The following HDAC4 variants were observed in gnomAD, a reference collection of about 807,000 sequenced individuals.
HDAC4 encodes histone deacetylase A.
In HDAC4, 16 loss-of-function variants were observed where a neutral mutation model predicts 135.1. The observed-to-expected ratio is 0.12, with a 90% confidence interval of 0.08 to 0.18. The LOEUF (loss-of-function observed/expected upper bound fraction) is 0.18, where lower values mean the gene tolerates loss of function less well. Among genes scored for constraint, HDAC4 ranks in the 10% least tolerant of loss-of-function variants. The pLI, the probability that HDAC4 is intolerant of heterozygous loss-of-function variation, is 1.00. For missense variants in HDAC4, 1,143 were observed against 1,511.8 expected (o/e 0.76, Z 4.05); for synonymous variants, 685 against 653.4 (o/e 1.05, Z -0.74).
intron 5 of HDAC4, among the ~76,000 whole-genome samples, chr2:239,165,079 C>T (rs1007711138): frequency 6.6e-6 from 1 of 152,022 alleles, no homozygotes; most frequent in African/African-American, 2.4e-5. Context: ...AAAAATTAGC[C>T]GAGTGTGGTA....
chr2:239,060,978 G>A (rs906536953), intron 24 of HDAC4, among the ~76,000 whole-genome samples: 4 of 152,258 alleles, frequency 2.6e-5, no homozygotes, highest in Non-Finnish European at 4.4e-5. Flanking sequence ...TGAAGGCCAC[G>A]AGGCTGGGCT....
chr2:239,073,044 G>C (rs1413894260), intron 22 of HDAC4, among the ~76,000 whole-genome samples: 1 of 152,224 alleles, frequency 6.6e-6, no homozygotes, highest in Admixed American at 6.5e-5. Flanking sequence ...GACGGGAGAA[G>C]AGTGATGCGT....
At chr2:239,369,757 G>A (rs1219251625) in intron 1 of HDAC4, among the ~76,000 whole-genome samples, 4 of 152,048 alleles carry the variant, frequency 2.6e-5, no homozygotes, top group Non-Finnish European at 2.9e-5. Flanking sequence ...AGCAGGCCTG[G>A]GCCACCTTCT....
chr2:239,089,386 T>C lies in HDAC4; in HGVS notation c.2388+623A>G, dbSNP rs75318963. Among the ~76,000 whole-genome samples, 1,488 of 152,308 alleles carry C rather than the reference T, an allele frequency of 9.8e-3. 23 individuals carry two copies. The highest frequency in any genetic ancestry group is 0.034 in the African/African-American group (1,396 of 41,564). On this transcript the variant is annotated intron_variant, in intron 18 of 26. Transcript: ENST00000543185. ...CTCTGTCACCCAGGCTGGAGTGCAATGGCGTGACTCGGCTCGCCGCAACCT... is the reference window on the plus strand; with the variant it reads ...CTCTGTCACCCAGGCTGGAGTGCAACGGCGTGACTCGGCTCGCCGCAACCT...
At chr2:239,311,835 G>C (rs1368016910) in intron 2 of HDAC4, among the ~76,000 whole-genome samples, 1 of 152,188 alleles carries the variant, frequency 6.6e-6, no homozygotes, top group African/African-American at 2.4e-5. Context: ...GAGAAGTCTG[G>C]ACCGGAGCCA....
intron 3 of HDAC4, among the ~76,000 whole-genome samples, chr2:239,218,801 G>A (rs2046787870): frequency 6.8e-6 from 1 of 146,916 alleles, no homozygotes; most frequent in Non-Finnish European, 1.5e-5. Flanking sequence ...ATCAAAAAGT[G>A]GGCGAAGGAC....
intron 2 of HDAC4, among the ~76,000 whole-genome samples, chr2:239,332,081 A>C (rs1022937481): frequency 6.6e-6 from 1 of 152,238 alleles, no homozygotes; most frequent in African/African-American, 2.4e-5. Flanking sequence ...CCTAGGCTTA[A>C]AATAGCTTCA....
chr2:239,340,869 A>C (rs1048091761), intron 2 of HDAC4, among the ~76,000 whole-genome samples: 6 of 152,102 alleles, frequency 3.9e-5, no homozygotes, highest in Non-Finnish European at 1.5e-5. Flanking sequence ...AAGGGCACTG[A>C]AGATCTGGCC....
In HDAC4 at chr2:239,261,245, G is replaced by A. The variant is rs997905678; in HGVS notation, c.23-24581C>T. ...GAAACGTGCAGGTGAGACAGGTACT[G>A]CCGAGGCCTAAATGCACTTTAGGAA... On this transcript the variant is annotated intron_variant, in intron 2 of 26. Coordinates refer to ENST00000543185, the MANE Select transcript of HDAC4 (RefSeq NM_001378414.1). Among the ~76,000 whole-genome samples, 3 of 152,194 alleles carry A rather than the reference G, an allele frequency of 2.0e-5. No homozygotes were observed. The South Asian group carries it at 6.2e-4, about 32-fold the overall frequency.
At chr2:239,304,261 T>C (rs138276809) in intron 2 of HDAC4, among the ~76,000 whole-genome samples, 9 of 152,250 alleles carry the variant, frequency 5.9e-5, no homozygotes, top group Admixed American at 2.6e-4. Context: ...CCTCAAGCAG[T>C]GTGAGCTCGG....
At chr2:239,136,642 G>A (rs1381235183) in intron 9 of HDAC4, among the ~76,000 whole-genome samples, 1 of 152,214 alleles carries the variant, frequency 6.6e-6, no homozygotes, top group East Asian at 1.9e-4. Context: ...CCATTCATCC[G>A]ACAAGGGAGC....
chr2:239,394,295 G>A (rs879569256), intron 1 of HDAC4, among the ~76,000 whole-genome samples: 1 of 152,178 alleles, frequency 6.6e-6, no homozygotes, highest in Non-Finnish European at 1.5e-5. Flanking sequence ...AAACAGAGCA[G>A]ACTCCAAAAT....
chr2:239,135,673 A>G (rs2040902281), intron 9 of HDAC4, among the ~76,000 whole-genome samples: 1 of 152,164 alleles, frequency 6.6e-6, no homozygotes, highest in Non-Finnish European at 1.5e-5. Context: ...ACGTTAAGAA[A>G]TAAGGAGATG....
chr2:239,201,962 C>T (rs532049342), intron 3 of HDAC4, among the ~76,000 whole-genome samples: 2 of 152,322 alleles, frequency 1.3e-5, no homozygotes, highest in Non-Finnish European at 2.9e-5. Flanking sequence ...GGTATGAACT[C>T]AGCCCAAATC....
chr2:239,193,326 T>C (rs1347134010), intron 3 of HDAC4, among the ~76,000 whole-genome samples: 1 of 152,250 alleles, frequency 6.6e-6, no homozygotes, highest in Admixed American at 6.5e-5. Context: ...AAACCGAACA[T>C]AAAACAACTT....
intron 6 of HDAC4, among the ~76,000 whole-genome samples, chr2:239,157,853 A>G (rs1003803151): frequency 2.6e-5 from 4 of 152,168 alleles, no homozygotes; most frequent in African/African-American, 9.7e-5. Flanking sequence ...GAACTCATAG[A>G]CAAAATTGAG....
At chr2:239,174,023 G>C (rs2043605361) in intron 5 of HDAC4, among the ~76,000 whole-genome samples, 1 of 152,118 alleles carries the variant, frequency 6.6e-6, no homozygotes, top group Non-Finnish European at 1.5e-5. Flanking sequence ...TTCCTAATTT[G>C]AACCACAGAG....
intron 1 of HDAC4, among the ~76,000 whole-genome samples, chr2:239,369,857 A>G (rs1694484473): frequency 6.6e-6 from 1 of 152,234 alleles, no homozygotes; most frequent in Non-Finnish European, 1.5e-5. Context: ...TGCAGGGTGC[A>G]TGAAAGGAAG....
In HDAC4 at chr2:239,095,009, C is replaced by T; in HGVS notation, c.2280+1G>A. 6.2e-7 allele frequency: 1 copy of T among 1,613,936 alleles called. No individual in the cohort carries two copies. The highest frequency in any genetic ancestry group is 8.5e-7 in the Non-Finnish European group (1 of 1,180,000). ...TATTTACACATTAAAGGAACACTTA[C>T]CCCAACACCACCGCAAGGGAGCCGG... On this transcript the variant is annotated splice_donor_variant, in intron 17 of 26. Transcript: ENST00000543185. LOFTEE classifies it high-confidence loss of function.
Sources: allele counts gnomAD v4.1 joint callset (sites outside exome capture counted in the v4.1 genomes callset), GRCh38; gene constraint gnomAD v4.1.1; transcripts MANE v1.5; gene names NCBI Gene and HGNC (gene_info 2026-07-23, HGNC 2026-07-21).